IL1RAPL2: variants seen among roughly 807,000 people sequenced by gnomAD.
IL1RAPL2 encodes X-linked interleukin-1 receptor accessory protein-like 2.
In IL1RAPL2, 3 loss-of-function variants were observed where a neutral mutation model predicts 44.1. That is an observed-to-expected ratio of 0.07 (90% CI 0.03 to 0.18). The LOEUF is 0.18. Among genes scored for constraint, IL1RAPL2 ranks in the 10% least tolerant of loss-of-function variants. IL1RAPL2 has a pLI of 1.00. For synonymous variants in IL1RAPL2, 181 were observed against 178.8 expected (o/e 1.01, Z -0.10); for missense variants, 391 against 496.4 (o/e 0.79, Z 2.02).
chrX:104,630,717 G>A (rs1279219120), intron 1 of IL1RAPL2, among the ~76,000 whole-genome samples: 1 of 111,490 alleles, frequency 9.0e-6, no homozygotes, highest in Non-Finnish European at 1.9e-5. Context: ...GATAGGCACT[G>A]CATCAAATCT....
At chrX:104,984,224 A>G (rs921429879) in intron 2 of IL1RAPL2, among the ~76,000 whole-genome samples, 2 of 112,100 alleles carry the variant, frequency 1.8e-5, no homozygotes, top group Admixed American at 9.5e-5. Flanking sequence ...CTCTTCCAGA[A>G]TAATGTATGA....
chrX:105,624,229 C>G (rs781169466), intron 6 of IL1RAPL2, among the ~76,000 whole-genome samples: 4 of 111,025 alleles, frequency 3.6e-5, no homozygotes, highest in Non-Finnish European at 5.7e-5. Context: ...CTACATAGCA[C>G]CAGGCGATTG....
intron 2 of IL1RAPL2, among the ~76,000 whole-genome samples, chrX:104,796,946 T>C (rs1311349536): frequency 9.1e-6 from 1 of 110,487 alleles, no homozygotes; most frequent in Non-Finnish European, 1.9e-5. Flanking sequence ...AAATTTTGTA[T>C]TTTTTGTAAA....
chrX:104,865,172 C>T (rs1304347336), intron 2 of IL1RAPL2, among the ~76,000 whole-genome samples: 1 of 111,580 alleles, frequency 9.0e-6, no homozygotes, highest in Admixed American at 9.5e-5. Context: ...AAATCAAAAA[C>T]AATATCGCAT....
chrX:105,402,512 C>G (rs1183555794), intron 5 of IL1RAPL2, among the ~76,000 whole-genome samples: 1 of 111,151 alleles, frequency 9.0e-6, no homozygotes, highest in Admixed American at 9.6e-5. Flanking sequence ...TTTTATGTCT[C>G]CATCATAGTA....
At chrX:105,160,564 G>GA (rs1001325342) in intron 2 of IL1RAPL2, among the ~76,000 whole-genome samples, 4 of 108,240 alleles carry the variant, frequency 3.7e-5, no homozygotes, top group South Asian at 4.0e-4. Flanking sequence ...AGTTTCTCTG[G>GA]AAAAAAAAAT....
chrX:104,594,806 G>A (rs1345901320), intron 1 of IL1RAPL2, among the ~76,000 whole-genome samples: 1 of 111,329 alleles, frequency 9.0e-6, no homozygotes, highest in Non-Finnish European at 1.9e-5. Context: ...CATGTAAAAG[G>A]TTAAGGGACA....
chrX:105,074,395 G>A (rs1265327745), intron 2 of IL1RAPL2, among the ~76,000 whole-genome samples: 14 of 111,139 alleles, frequency 1.3e-4, no homozygotes, highest in African/African-American at 3.3e-4. Flanking sequence ...TGTTCCATTG[G>A]TCTATATCTC....
rs1411817033 is a variant in IL1RAPL2 at position 105,392,857 on chromosome X, T to C, written c.698-91456T>C. Among the ~76,000 whole-genome samples the C allele has an allele frequency of 2.7e-5, 3 of 112,598 alleles. No homozygotes were observed. In the East Asian group the frequency reaches 8.4e-4, roughly 31 times the overall value. On this transcript the variant is annotated intron_variant, in intron 5 of 10. Coordinates refer to ENST00000372582, the MANE Select transcript of IL1RAPL2 (RefSeq NM_017416.2). ...TGATACAAACATTCAAAATCTTTAA[T>C]AGACCCCCTTTTCAGGGTTAGCAAA...
Position 105,560,010 on chromosome X carries a change from G to A in IL1RAPL2, c.772+75623G>A, listed in dbSNP as rs185604561. ...GAGACTGGGTGGAGCACCAGACACCGTCTTGACCTCTCCATCTCCCTTTAT... is the reference window on the plus strand; with the variant it reads ...GAGACTGGGTGGAGCACCAGACACCATCTTGACCTCTCCATCTCCCTTTAT... On this transcript the variant is annotated intron_variant, in intron 6 of 10. Coordinates refer to ENST00000372582, the MANE Select transcript of IL1RAPL2 (RefSeq NM_017416.2). Among the ~76,000 whole-genome samples the A allele has an allele frequency of 2.9e-3, 320 of 111,692 alleles. 3 individuals are homozygous for A. Among genetic ancestry groups the A allele is most frequent in the Non-Finnish European group, 3.1e-3 (166 of 53,097 alleles).
intron 2 of IL1RAPL2, among the ~76,000 whole-genome samples, chrX:105,012,598 T>TCTC (rs2031070079): frequency 2.7e-4 from 14 of 51,726 alleles, no homozygotes; most frequent in Non-Finnish European, 3.9e-4. Flanking sequence ...AACTTTCTCT[T>TCTC]TCTCTCTCTC....
intron 6 of IL1RAPL2, among the ~76,000 whole-genome samples, chrX:105,647,351 C>T (rs1302596294): frequency 8.9e-6 from 1 of 111,997 alleles, no homozygotes; most frequent in African/African-American, 3.3e-5. Flanking sequence ...AGCTCCCATA[C>T]AACGGGAGGG....
At chrX:104,895,937 A>G (rs1923630927) in intron 2 of IL1RAPL2, among the ~76,000 whole-genome samples, 1 of 111,786 alleles carries the variant, frequency 8.9e-6, no homozygotes, top group Non-Finnish European at 1.9e-5. Context: ...CATCTCCCAA[A>G]TAGACTCTTT....
intron 2 of IL1RAPL2, among the ~76,000 whole-genome samples, chrX:104,917,180 C>G (rs981341660): frequency 9.0e-6 from 1 of 111,369 alleles, no homozygotes; most frequent in Admixed American, 9.6e-5. Context: ...TAGAGTTCGG[C>G]TGTGAATCCA....
intron 1 of IL1RAPL2, among the ~76,000 whole-genome samples, chrX:104,603,286 C>T (rs543966000): frequency 9.0e-6 from 1 of 111,538 alleles, no homozygotes; most frequent in South Asian, 3.8e-4. Context: ...CACTCAAAGA[C>T]CCCATCTTAA....
chrX:105,317,965 C>A (rs73245772), intron 5 of IL1RAPL2, among the ~76,000 whole-genome samples: 3,256 of 106,841 alleles, frequency 0.03, 54 homozygotes, highest in South Asian at 0.052. Context: ...TATTTTCTTT[C>A]TTTCTTCTTC....
chrX:104,956,643 AAAAACAAAAC>A (rs755637471), intron 2 of IL1RAPL2, among the ~76,000 whole-genome samples: 5 of 111,092 alleles, frequency 4.5e-5, no homozygotes, highest in South Asian at 7.7e-4. Flanking sequence ...TCTCGAAAAG[AAAAACAAAAC>A]AAAACAAAAC....
chrX:104,633,969 T>A (rs2148013097), intron 1 of IL1RAPL2, among the ~76,000 whole-genome samples: 1 of 111,588 alleles, frequency 9.0e-6, no homozygotes, highest in Non-Finnish European at 1.9e-5. Context: ...CTGCTTTCTC[T>A]TTTGGGCATT....
intron 6 of IL1RAPL2, among the ~76,000 whole-genome samples, chrX:105,684,901 C>T (rs1457573845): frequency 8.9e-6 from 1 of 111,859 alleles, no homozygotes; most frequent in Non-Finnish European, 1.9e-5. Context: ...CTGGTGATAC[C>T]CAGGCAAACA....
Sources: gnomAD v4.1 joint callset for allele counts (sites outside exome capture counted in the v4.1 genomes callset) on GRCh38, gnomAD v4.1.1 for gene constraint, MANE v1.5 for transcripts, NCBI Gene and HGNC (gene_info 2026-07-23, HGNC 2026-07-21) for gene names.